The following MLLT3 variants were observed in gnomAD, a reference collection of about 807,000 sequenced individuals.
MLLT3 encodes the protein MLLT3 super elongation complex subunit, also known as protein AF-9.
A neutral mutation model predicts 53.2 loss-of-function variants in MLLT3; 4 were observed. That is an observed-to-expected ratio of 0.08 (90% CI 0.04 to 0.17). The LOEUF is 0.17. Among genes scored for constraint, MLLT3 ranks in the 10% least tolerant of loss-of-function variants. MLLT3 has a pLI of 1.00. For missense variants in MLLT3, 569 were observed against 684.0 expected, an observed-to-expected ratio of 0.83 and a Z score of 1.87; for synonymous variants, 283 against 230.6, an observed-to-expected ratio of 1.23 and a Z score of -2.06.
chr9:20,469,870 C>A (rs1030208113), intron 2 of MLLT3, among the ~76,000 whole-genome samples: 12 of 151,990 alleles, frequency 7.9e-5, no homozygotes, highest in African/African-American at 2.4e-4. Flanking sequence ...TTTGAATCGA[C>A]TGGAACTTAG....
At chr9:20,492,376 T>G (rs1020137353) in intron 2 of MLLT3, among the ~76,000 whole-genome samples, 1 of 152,010 alleles carries the variant, frequency 6.6e-6, no homozygotes, top group African/African-American at 2.4e-5. Flanking sequence ...ATCCTAGTTC[T>G]TAGGTTGGAT....
chr9:20,620,618 A>G lies in MLLT3; in HGVS notation c.193+36T>C. 6.3e-7 allele frequency: 1 copy of G among 1,591,970 alleles called. No individual in the cohort carries two copies. Among genetic ancestry groups the G allele is most frequent in the South Asian group, 1.1e-5 (1 of 89,422 alleles). ...CGGGCCAAGCGATTGTTTCAAAGAC[A>G]TTTTTTATCAAGACCCTTTTGTATT... On this transcript the variant is annotated intron_variant, in intron 2 of 10. Transcript: ENST00000380338. The surrounding 1 kb of genome is among the most constrained non-coding windows in gnomAD (Gnocchi z 6.1).
intron 5 of MLLT3, among the ~76,000 whole-genome samples, chr9:20,396,113 C>T (rs1822315794): frequency 6.6e-6 from 1 of 151,892 alleles, no homozygotes; most frequent in South Asian, 2.1e-4. Flanking sequence ...TGAACAGAAA[C>T]TATCAACTAA....
intron 2 of MLLT3, among the ~76,000 whole-genome samples, chr9:20,607,382 C>G (rs1820597169): frequency 6.6e-6 from 1 of 152,066 alleles, no homozygotes; most frequent in South Asian, 2.1e-4. Flanking sequence ...TTGTATACAC[C>G]TTAATCCTGA....
At chr9:20,497,953 G>C (rs996806088) in intron 2 of MLLT3, among the ~76,000 whole-genome samples, 1 of 152,038 alleles carries the variant, frequency 6.6e-6, no homozygotes, top group East Asian at 1.9e-4. Flanking sequence ...TGGGTGCAGT[G>C]GCTCATGCTT....
At chr9:20,452,366 T>G (rs1204650989) in intron 3 of MLLT3, among the ~76,000 whole-genome samples, 3 of 152,208 alleles carry the variant, frequency 2.0e-5, no homozygotes, top group African/African-American at 7.2e-5. Context: ...TTCCCCACTT[T>G]GCCTGCATTT....
chr9:20,573,434 C>T (rs1819582008), intron 2 of MLLT3, among the ~76,000 whole-genome samples: 1 of 152,092 alleles, frequency 6.6e-6, no homozygotes, highest in Admixed American at 6.6e-5. Flanking sequence ...CCCACCTCAG[C>T]CTCCCAAAGT....
At chr9:20,575,396 T>C (rs570246928) in intron 2 of MLLT3, among the ~76,000 whole-genome samples, 15 of 152,298 alleles carry the variant, frequency 9.8e-5, no homozygotes, top group Admixed American at 3.3e-4. Flanking sequence ...ACCCAGATGA[T>C]CATTAGCAAT....
intron 5 of MLLT3, among the ~76,000 whole-genome samples, chr9:20,403,046 C>T (rs186155654): frequency 1.6e-4 from 25 of 151,788 alleles, no homozygotes; most frequent in East Asian, 3.9e-4. Flanking sequence ...GAAGGATGTG[C>T]GAATCACTGC....
Position 20,525,709 on chromosome 9 carries a change from T to G in MLLT3, c.194-68923A>C, listed in dbSNP as rs561681658. Reference sequence around the variant, plus strand: ...TCACTGAGCACACAGGCTTCTCCATTTAATAGGTTTAGGATACAACCTTGT... The same window carrying G: ...TCACTGAGCACACAGGCTTCTCCATGTAATAGGTTTAGGATACAACCTTGT... On this transcript the variant is annotated intron_variant, in intron 2 of 10. Coordinates refer to ENST00000380338, the MANE Select transcript of MLLT3 (RefSeq NM_004529.4). Among the ~76,000 whole-genome samples, 48 of 152,308 alleles carry G rather than the reference T, an allele frequency of 3.2e-4. No individual in the cohort carries two copies. The South Asian group carries it at 7.7e-3, about 24-fold the overall frequency.
chr9:20,485,976 GT>G (rs1824802421), intron 2 of MLLT3, among the ~76,000 whole-genome samples: 2 of 152,108 alleles, frequency 1.3e-5, no homozygotes, highest in Admixed American at 1.3e-4. Flanking sequence ...CTTGAATAAT[GT>G]CTAAATAGTG....
chr9:20,452,473 G>C (rs542706828), intron 3 of MLLT3, among the ~76,000 whole-genome samples: 1 of 152,166 alleles, frequency 6.6e-6, no homozygotes, highest in Non-Finnish European at 1.5e-5. Context: ...AGAACTGTGA[G>C]TCAATTAAAC....
In MLLT3 at chr9:20,343,826, A is replaced by T. The variant is rs1243218704; in HGVS notation, c.*2617T>A. On this transcript the variant is annotated 3_prime_UTR_variant, in exon 11 of 11. Transcript: ENST00000380338. ...CTCACATGTCAAAGATATTCTTAAT[A>T]GGCTTCAAAGTTGGGTGTATATAAA... is the stretch of plus-strand genomic sequence containing the variant. 9 of 210,512 alleles carry T rather than the reference A, an allele frequency of 4.3e-5. No individual in the cohort carries two copies. In the East Asian group the frequency reaches 6.5e-4, roughly 15 times the overall value. 13.0% of individuals were successfully genotyped at this position (210,512 alleles called of 1,614,324 possible).
At chr9:20,529,458 G>T (rs565860174) in intron 2 of MLLT3, among the ~76,000 whole-genome samples, 2 of 151,850 alleles carry the variant, frequency 1.3e-5, no homozygotes, top group East Asian at 3.9e-4. Flanking sequence ...TATGTTAGCA[G>T]AATGTCAAAC....
chr9:20,573,783 G>C (rs903495979), intron 2 of MLLT3, among the ~76,000 whole-genome samples: 1 of 152,136 alleles, frequency 6.6e-6, no homozygotes, highest in Non-Finnish European at 1.5e-5. Context: ...TAATTATTGA[G>C]CTGTTCTTTG....
chr9:20,386,810 A>T (rs1161692751), intron 5 of MLLT3, among the ~76,000 whole-genome samples: 1 of 152,180 alleles, frequency 6.6e-6, no homozygotes, highest in African/African-American at 2.4e-5. Context: ...TATATATAAC[A>T]TTCTGAACTA....
intron 3 of MLLT3, among the ~76,000 whole-genome samples, chr9:20,450,485 A>C (rs1199547795): frequency 6.6e-6 from 1 of 152,014 alleles, no homozygotes; most frequent in Non-Finnish European, 1.5e-5. Flanking sequence ...CCTTTCCTAT[A>C]TTTCTTTTGA....
intron 4 of MLLT3, among the ~76,000 whole-genome samples, chr9:20,445,686 G>C (rs954362169): frequency 6.6e-6 from 1 of 152,078 alleles, no homozygotes; most frequent in Non-Finnish European, 1.5e-5. Context: ...AGGAACCATA[G>C]CCAAACACTA....
intron 4 of MLLT3, among the ~76,000 whole-genome samples, chr9:20,438,596 TTTTAC>T (rs1426873322): frequency 6.6e-6 from 1 of 152,146 alleles, no homozygotes; most frequent in Non-Finnish European, 1.5e-5. Context: ...TTTTATTTTA[TTTTAC>T]TTTATTTTAT....
Sources: gnomAD v4.1 joint callset for allele counts (sites outside exome capture counted in the v4.1 genomes callset) on GRCh38, gnomAD v4.1.1 for gene constraint, Gnocchi (gnomAD v3.1) non-coding constraint, MANE v1.5 for transcripts, NCBI Gene and HGNC (gene_info 2026-07-23, HGNC 2026-07-21) for gene names.